The following HDAC4 variants were observed in gnomAD, a reference collection of about 807,000 sequenced individuals.
HDAC4 encodes the protein histone deacetylase A.
Under a neutral mutation model 135.1 loss-of-function variants are expected in HDAC4, and 16 were observed. The observed-to-expected ratio is 0.12, with a 90% CI of 0.08 to 0.18. The LOEUF is 0.18. Among genes scored for constraint, HDAC4 ranks in the 10% least tolerant of loss-of-function variants. The pLI is 1.00. For missense variants in HDAC4, 1,143 were observed against 1,511.8 expected, an observed-to-expected ratio of 0.76 and a Z score of 4.05; for synonymous variants, 685 against 653.4, an observed-to-expected ratio of 1.05 and a Z score of -0.74.
chr2:239,135,695 A>G (rs1487460041), intron 9 of HDAC4, among the ~76,000 whole-genome samples: 3 of 152,222 alleles, frequency 2.0e-5, no homozygotes, highest in African/African-American at 7.2e-5. Context: ...CCTGATGCCC[A>G]TGAAGCCTCC....
At chr2:239,301,999 C>A (rs929424172) in intron 2 of HDAC4, among the ~76,000 whole-genome samples, 2 of 151,990 alleles carry the variant, frequency 1.3e-5, no homozygotes, top group Non-Finnish European at 2.9e-5. Context: ...ACAAAAAAAA[C>A]AGGCAGGGGG....
At position 239,090,012 on chromosome 2, in the gene HDAC4, C is replaced by G. The variant is rs1473743355; in HGVS notation, c.2385G>C (p.Leu795=). The change falls in exon 18 of 27, where the codon CTG becomes CTC. Residue 795 remains leucine (L), a synonymous_variant. Transcript: ENST00000543185. The stretch of plus-strand genomic sequence containing the variant: ...CACTGTCCAGGCCCCGACTGACCTT[C>G]AGCTCCCCTGTGGCCACCTTGAAGA... ...ELVFKVATGE[L]KNGFAVVRPP... 6.2e-7 allele frequency: 1 copy of G among 1,612,440 alleles called. No homozygotes were observed. The highest frequency in any genetic ancestry group is 1.7e-5 in the Admixed American group (1 of 60,034).
At chr2:239,341,472 C>T (rs572441531) in intron 2 of HDAC4, among the ~76,000 whole-genome samples, 2 of 152,198 alleles carry the variant, frequency 1.3e-5, no homozygotes, top group African/African-American at 2.4e-5. Flanking sequence ...CATCACACTA[C>T]CTAACAGGGA....
chr2:239,224,009 A>G (rs1247359823), intron 3 of HDAC4, among the ~76,000 whole-genome samples: 1 of 152,110 alleles, frequency 6.6e-6, no homozygotes, highest in Non-Finnish European at 1.5e-5. Flanking sequence ...GCCAACGCCT[A>G]CCACTCAGTG....
chr2:239,316,173 G>C (rs947406774), intron 2 of HDAC4, among the ~76,000 whole-genome samples: 4 of 152,206 alleles, frequency 2.6e-5, no homozygotes, highest in Admixed American at 6.5e-5. Flanking sequence ...GTGGGAATAG[G>C]CTCGCTCAGA....
chr2:239,092,943 G>A (rs1267221792), intron 17 of HDAC4, among the ~76,000 whole-genome samples: 1 of 151,974 alleles, frequency 6.6e-6, no homozygotes, highest in East Asian at 1.9e-4. Context: ...GGAAAAAGGC[G>A]GGGGGAAACA....
intron 9 of HDAC4, among the ~76,000 whole-genome samples, chr2:239,137,526 C>T (rs2041054028): frequency 6.6e-6 from 1 of 152,164 alleles, no homozygotes; most frequent in African/African-American, 2.4e-5. Context: ...GCACACTGGG[C>T]TTCCCTGGGT....
chr2:239,147,927 A>G lies in HDAC4; in HGVS notation c.734-3213T>C, dbSNP rs187515225. Reference sequence around the variant, plus strand: ...ACACAGGCTGGCTCCTCCAACTTAAACATCCTGAGAGTCAGCTGCAGGTGA... The same window carrying G: ...ACACAGGCTGGCTCCTCCAACTTAAGCATCCTGAGAGTCAGCTGCAGGTGA... On this transcript the variant is annotated intron_variant, in intron 7 of 26. Coordinates refer to ENST00000543185, the MANE Select transcript of HDAC4 (RefSeq NM_001378414.1). Among the ~76,000 whole-genome samples the G allele has an allele frequency of 2.5e-3, 382 of 152,280 alleles. 2 individuals carry two copies. The highest frequency in any genetic ancestry group is 8.8e-3 in the African/African-American group (364 of 41,552).
At chr2:239,215,065 G>A (rs1045224124) in intron 3 of HDAC4, among the ~76,000 whole-genome samples, 1 of 152,242 alleles carries the variant, frequency 6.6e-6, no homozygotes, top group African/African-American at 2.4e-5. Flanking sequence ...CATTCGAGCG[G>A]CAGAATCAAG....
rs1253975795 is a variant in HDAC4, at chr2:239,049,684, C to G, written c.*3413G>C. 6.6e-6 allele frequency: 1 copy of G among 152,406 alleles called. No homozygotes were observed. The highest frequency in any genetic ancestry group is 1.5e-5 in the Non-Finnish European group (1 of 68,030). 9.4% of individuals were successfully genotyped at this position (152,406 alleles called of 1,614,324 possible). ...ACGAAATGGTCCTTCCCCTTGCAAA[C>G]AGATTTTCAAAAGAAGTAAAGAAAA... On this transcript the variant is annotated 3_prime_UTR_variant, in exon 27 of 27. Coordinates refer to ENST00000543185, the MANE Select transcript of HDAC4 (RefSeq NM_001378414.1).
intron 1 of HDAC4, among the ~76,000 whole-genome samples, chr2:239,367,792 G>A (rs766739650): frequency 6.6e-6 from 1 of 152,040 alleles, no homozygotes; most frequent in Non-Finnish European, 1.5e-5. Context: ...TGGCCAACAT[G>A]GTGAAACCCC....
In HDAC4 at chr2:239,205,972, G is replaced by T. The variant is rs182702420; in HGVS notation, c.95-15895C>A. Among the ~76,000 whole-genome samples the T allele has an allele frequency of 2.1e-3, 316 of 152,316 alleles. 2 individuals are homozygous for T. The highest frequency in any genetic ancestry group is 0.01 in the Middle Eastern group (3 of 294). On this transcript the variant is annotated intron_variant, in intron 3 of 26. Transcript: ENST00000543185. The stretch of plus-strand genomic sequence containing the variant: ...ACATCACCTCCAAAGCAGCGGTCAG[G>T]TTGGGGCAGGATCCATCAGAAAGAA...
intron 7 of HDAC4, among the ~76,000 whole-genome samples, chr2:239,153,081 G>C (rs890771970): frequency 1.3e-5 from 2 of 152,236 alleles, no homozygotes; most frequent in African/African-American, 4.8e-5. Context: ...AGGTGCAGGC[G>C]ATGTGAATGC....
At chr2:239,266,699 C>A (rs1293472532) in intron 2 of HDAC4, among the ~76,000 whole-genome samples, 1 of 152,200 alleles carries the variant, frequency 6.6e-6, no homozygotes, top group Non-Finnish European at 1.5e-5. Flanking sequence ...CATTCTACAT[C>A]TGCCTCTTGG....
intron 8 of HDAC4, among the ~76,000 whole-genome samples, chr2:239,142,295 C>T (rs755031569): frequency 2.0e-5 from 3 of 152,302 alleles, no homozygotes; most frequent in Admixed American, 1.3e-4. Flanking sequence ...ACCACCCTGC[C>T]TAATACCTGT....
At chr2:239,221,111 G>A (rs1056967993) in intron 3 of HDAC4, among the ~76,000 whole-genome samples, 9 of 152,148 alleles carry the variant, frequency 5.9e-5, no homozygotes, top group Admixed American at 4.6e-4. Context: ...TACCTTCCCC[G>A]TTTACAGGCG....
At chr2:239,336,911 C>T (rs1048475615) in intron 2 of HDAC4, among the ~76,000 whole-genome samples, 1 of 152,180 alleles carries the variant, frequency 6.6e-6, no homozygotes, top group Non-Finnish European at 1.5e-5. Flanking sequence ...ACTTAGGTGT[C>T]GCATGTCCTG....
intron 1 of HDAC4, among the ~76,000 whole-genome samples, chr2:239,355,608 T>C (rs1177060225): frequency 6.6e-6 from 1 of 152,242 alleles, no homozygotes; most frequent in Admixed American, 6.5e-5. Flanking sequence ...CCTGATTTAA[T>C]TTCATTTTCA....
chr2:239,163,766 G>A, intron 6 of HDAC4, 37 bp downstream of exon 6: 5 of 1,607,168 alleles, frequency 3.1e-6, no homozygotes, highest in Non-Finnish European at 4.3e-6. Flanking sequence ...TGGGCCCCCA[G>A]AGAGGAGGCC....
Sources: gnomAD v4.1 joint callset for allele counts (sites outside exome capture counted in the v4.1 genomes callset) on GRCh38, gnomAD v4.1.1 for gene constraint, MANE v1.5 for transcripts, NCBI Gene and HGNC (gene_info 2026-07-23, HGNC 2026-07-21) for gene names.